The following GRAP2 variants were observed in gnomAD, a reference collection of about 807,000 sequenced individuals.
GRAP2 encodes the protein GRB2 related adaptor protein 2.
A neutral mutation model predicts 43.5 loss-of-function variants in GRAP2; 31 were observed. The observed-to-expected ratio is 0.71, with a 90% CI of 0.54 to 0.96. The LOEUF is 0.96. Ranked by LOEUF, GRAP2 falls within the 40% of genes least tolerant of loss-of-function variation. The probability of loss-of-function intolerance (pLI) is 0.00; values close to 1 mark genes in which losing one functional copy is unlikely to be tolerated. For missense variants in GRAP2, 371 were observed against 424.4 expected (o/e 0.87, Z 1.11); for synonymous variants, 156 against 164.8 (o/e 0.95, Z 0.41).
intron 1 of GRAP2, chr22:39,926,735 G>A: frequency 4.1e-6 from 4 of 985,280 alleles, no homozygotes; most frequent in Non-Finnish European, 4.8e-6. Flanking sequence ...TTGTTAATGG[G>A]GACTGCATTA....
chr22:39,942,170 A>G (rs1032526035), intron 1 of GRAP2, among the ~76,000 whole-genome samples: 1 of 152,202 alleles, frequency 6.6e-6, no homozygotes, highest in Non-Finnish European at 1.5e-5. Context: ...TTTCAAGAAT[A>G]TACCTATTGT....
chr22:39,919,366 A>G (rs1420465266), intron 1 of GRAP2, among the ~76,000 whole-genome samples: 1 of 152,172 alleles, frequency 6.6e-6, no homozygotes, highest in African/African-American at 2.4e-5. Context: ...TGTTTTTTGT[A>G]TGTATTTATT....
chr22:39,903,980 T>C, intron 1 of GRAP2, among the ~76,000 whole-genome samples: 1 of 152,254 alleles, frequency 6.6e-6, no homozygotes, highest in South Asian at 2.1e-4. Context: ...GTTTTCTTTT[T>C]AAATATGTAT....
chr22:39,950,164 A>G (rs776294545), intron 2 of GRAP2, among the ~76,000 whole-genome samples: 8 of 151,892 alleles, frequency 5.3e-5, no homozygotes, highest in Non-Finnish European at 1.2e-4. Flanking sequence ...TCTCCTACAC[A>G]CACATACTTG....
chr22:39,917,200 C>T (rs1478533358), intron 1 of GRAP2, among the ~76,000 whole-genome samples: 1 of 152,166 alleles, frequency 6.6e-6, no homozygotes, highest in East Asian at 1.9e-4. Context: ...CATGGATTAG[C>T]GCTGTGTTGT....
At chr22:39,903,376 G>A (rs1281726675) in intron 1 of GRAP2, among the ~76,000 whole-genome samples, 1 of 152,060 alleles carries the variant, frequency 6.6e-6, no homozygotes, top group Non-Finnish European at 1.5e-5. Flanking sequence ...TTGGCTGGGC[G>A]CGGTGGCTCA....
chr22:39,912,163 G>A (rs1217331518), intron 1 of GRAP2, among the ~76,000 whole-genome samples: 1 of 152,230 alleles, frequency 6.6e-6, no homozygotes, highest in African/African-American at 2.4e-5. Flanking sequence ...GCTCACGCCT[G>A]TAATCCCAAC....
In GRAP2 at chr22:39,940,383, G is replaced by GT. The variant is rs137987; in HGVS notation, c.-14-6694dup. On this transcript the variant is annotated intron_variant, in intron 1 of 7. Transcript: ENST00000344138. ...GCCCAGCCTGTTTTGTTTTTTGTTT[G>GT]TTTTTTTTTTTTTTTTCACTTTCCC... 1.6e-3 allele frequency among the ~76,000 whole-genome samples: 205 copies of GT among 131,436 alleles called. 1 individual carries two copies. The highest frequency in any genetic ancestry group is 3.8e-3 in the Middle Eastern group (1 of 260). The allele number at this position is 131,436 out of a possible 152,430, so 86.2% of individuals were successfully genotyped here.
chr22:39,966,171 T>C lies in GRAP2; in HGVS notation c.459+13T>C. The C allele has an allele frequency of 1.2e-6, 2 of 1,610,030 alleles. No individual in the cohort carries two copies. Among genetic ancestry groups the C allele is most frequent in the South Asian group, 1.1e-5 (1 of 91,018 alleles). On this transcript the variant is annotated intron_variant, in intron 5 of 7. Transcript: ENST00000344138. Reference sequence around the variant, plus strand: ...CCGAGAAGACCAGGTATGCTCCAGATCCAGTCGACCCCAATCTAGAGATTT... The same window carrying C: ...CCGAGAAGACCAGGTATGCTCCAGACCCAGTCGACCCCAATCTAGAGATTT...
chr22:39,928,427 CCTTGAAGCACAGAGAT>C (rs2025943880), intron 1 of GRAP2, among the ~76,000 whole-genome samples: 1 of 152,234 alleles, frequency 6.6e-6, no homozygotes, highest in African/African-American at 2.4e-5. Context: ...GCTTTTGTCT[CCTTGAAGCACAGAGAT>C]TTCTCAGAGC....
chr22:39,917,231 G>A (rs1264570302), intron 1 of GRAP2, among the ~76,000 whole-genome samples: 3 of 152,100 alleles, frequency 2.0e-5, no homozygotes, highest in Non-Finnish European at 4.4e-5. Context: ...GAGGATTGGC[G>A]CAGAGCCCTG....
In GRAP2 at chr22:39,936,807, C is replaced by T. The variant is rs530545666; in HGVS notation, c.-14-10286C>T. On this transcript the variant is annotated intron_variant, in intron 1 of 7. Transcript: ENST00000344138. ...TTCCATTTCTGCAATTGCCTTAAAG[C>T]GCATGATTGCTTGGTCTGAGGTCTG... is the stretch of plus-strand genomic sequence containing the variant. Among the ~76,000 whole-genome samples, 15 of 152,246 alleles carry T rather than the reference C, an allele frequency of 9.9e-5. 1 individual carries two copies. The South Asian group carries it at 1.7e-3, about 17-fold the overall frequency.
chr22:39,902,964 C>G (rs1031656483), intron 1 of GRAP2, among the ~76,000 whole-genome samples: 1 of 152,220 alleles, frequency 6.6e-6, no homozygotes. Context: ...GAAGCCATCT[C>G]TTTTAGAACT....
At position 39,969,475 on chromosome 22, in the gene GRAP2, T is replaced by A; in HGVS notation, c.755T>A (p.Met252Lys). Residue 252 changes from methionine to lysine, a missense_variant, in exon 7 of 8, where the codon ATG becomes AAG. By Grantham distance (95) the Met-to-Lys change is moderately conservative (BLOSUM62 -1). Coordinates refer to ENST00000344138, the MANE Select transcript of GRAP2 (RefSeq NM_004810.4). ...GHCGTGLGSEMNAALMHRRHT... is the reference protein window; with the variant it reads ...GHCGTGLGSEKNAALMHRRHT... Reference sequence around the variant, plus strand: ...TGTGGCACCGGCTTGGGCAGTGAAATGAATGCGGCCCTCATGCATCGGAGA... The same window carrying A: ...TGTGGCACCGGCTTGGGCAGTGAAAAGAATGCGGCCCTCATGCATCGGAGA... The A allele has an allele frequency of 6.2e-7, 1 of 1,613,896 alleles. No homozygotes were observed. The highest frequency in any genetic ancestry group is 8.5e-7 in the Non-Finnish European group (1 of 1,179,922).
intron 1 of GRAP2, among the ~76,000 whole-genome samples, chr22:39,938,943 G>A (rs75861687): frequency 5.3e-5 from 8 of 152,186 alleles, no homozygotes; most frequent in East Asian, 1.9e-4. Flanking sequence ...GGCCCCCCTC[G>A]TTCCATGTGT....
At chr22:39,933,757 C>T (rs941408335) in intron 1 of GRAP2, among the ~76,000 whole-genome samples, 1 of 151,664 alleles carries the variant, frequency 6.6e-6, no homozygotes, top group African/African-American at 2.4e-5. Flanking sequence ...AGGAGAATCT[C>T]TTGAGCCTGG....
intron 1 of GRAP2, among the ~76,000 whole-genome samples, chr22:39,924,722 A>G (rs139677667): frequency 6.6e-6 from 1 of 152,284 alleles, no homozygotes; most frequent in East Asian, 1.9e-4. Context: ...AGAAGTGACA[A>G]TGTAGGATAC....
At chr22:39,896,395 T>C (rs902572754), upstream of GRAP2, among the ~76,000 whole-genome samples, 1 of 152,182 alleles carries the variant, frequency 6.6e-6, no homozygotes, top group African/African-American at 2.4e-5. Flanking sequence ...ACTAAGTTTC[T>C]TTTTGGGGTG....
At chr22:39,910,598 G>A (rs1281617407) in intron 1 of GRAP2, among the ~76,000 whole-genome samples, 2 of 151,610 alleles carry the variant, frequency 1.3e-5, no homozygotes, top group African/African-American at 2.4e-5. Flanking sequence ...TAGTAGAGAC[G>A]GGGTTTCACC....
Sources: gnomAD v4.1 joint callset for allele counts (sites outside exome capture counted in the v4.1 genomes callset) on GRCh38, gnomAD v4.1.1 for gene constraint, MANE v1.5 for transcripts, NCBI Gene and HGNC (gene_info 2026-07-23, HGNC 2026-07-21) for gene names.